The following TNFAIP8 variants were observed in gnomAD, a reference collection of about 807,000 sequenced individuals.
TNFAIP8 encodes the protein tumor necrosis factor alpha-induced protein 8.
Under a neutral mutation model 13.3 loss-of-function variants are expected in TNFAIP8, and 7 were observed. The observed-to-expected ratio is 0.52, with a 90% confidence interval of 0.30 to 0.99. TNFAIP8 has a LOEUF of 0.99. TNFAIP8 is among the 50% of genes least tolerant of loss of function. The pLI, the probability that TNFAIP8 is intolerant of heterozygous loss-of-function variation, is 0.07. For missense variants in TNFAIP8, 258 were observed against 236.9 expected, an observed-to-expected ratio of 1.09 and a Z score of -0.58; for synonymous variants, 94 against 87.6, an observed-to-expected ratio of 1.07 and a Z score of -0.41.
At chr5:119,362,338 A>C (rs549736566) in intron 1 of TNFAIP8, among the ~76,000 whole-genome samples, 15 of 152,318 alleles carry the variant, frequency 9.8e-5, no homozygotes, top group African/African-American at 2.6e-4. Flanking sequence ...GTAGTGGTAC[A>C]TGGGGCCAGT....
intron 1 of TNFAIP8, among the ~76,000 whole-genome samples, chr5:119,269,615 C>T (rs1259410738): frequency 6.6e-6 from 1 of 152,180 alleles, no homozygotes; most frequent in Non-Finnish European, 1.5e-5. Context: ...ATGTTTATTG[C>T]TTCAGTGACA....
intron 1 of TNFAIP8, among the ~76,000 whole-genome samples, chr5:119,293,062 T>G (rs1749048270): frequency 6.6e-6 from 1 of 152,130 alleles, no homozygotes; most frequent in African/African-American, 2.4e-5. Context: ...TAATTTTGTT[T>G]TTAAATTTTA....
chr5:119,304,419 CTG>C (rs1749490881), intron 1 of TNFAIP8, among the ~76,000 whole-genome samples: 1 of 152,242 alleles, frequency 6.6e-6, no homozygotes, highest in African/African-American at 2.4e-5. Context: ...GGCACTCACT[CTG>C]TGCTTTTGCC....
chr5:119,317,594 A>T (rs866372067), intron 1 of TNFAIP8, among the ~76,000 whole-genome samples: 11 of 148,578 alleles, frequency 7.4e-5, no homozygotes, highest in African/African-American at 2.5e-4. Context: ...TAATAATAAT[A>T]ATAATTATTA....
chr5:119,340,305 A>T (rs1362183172), intron 1 of TNFAIP8, among the ~76,000 whole-genome samples: 1 of 152,158 alleles, frequency 6.6e-6, no homozygotes, highest in African/African-American at 2.4e-5. Context: ...TTTCACCCAG[A>T]CCCTAACAAG....
chr5:119,295,343 C>T (rs1225966726), intron 1 of TNFAIP8, among the ~76,000 whole-genome samples: 1 of 151,752 alleles, frequency 6.6e-6, no homozygotes, highest in African/African-American at 2.4e-5. Context: ...CAGCTTTCTA[C>T]ATATGGCTAG....
intron 1 of TNFAIP8, among the ~76,000 whole-genome samples, chr5:119,299,823 T>C (rs1476127252): frequency 6.6e-6 from 1 of 152,108 alleles, no homozygotes; most frequent in African/African-American, 2.4e-5. Flanking sequence ...GCGGGCGCCC[T>C]TCCCCCAGCC....
chr5:119,346,152 G>T (rs570138037), intron 1 of TNFAIP8, among the ~76,000 whole-genome samples: 2 of 152,248 alleles, frequency 1.3e-5, no homozygotes, highest in African/African-American at 4.8e-5. Context: ...GAACTTGCTA[G>T]AAATCTACCC....
chr5:119,288,690 T>C (rs1290823562), intron 1 of TNFAIP8, among the ~76,000 whole-genome samples: 2 of 152,182 alleles, frequency 1.3e-5, no homozygotes, highest in Non-Finnish European at 2.9e-5. Flanking sequence ...ATGAAATAAT[T>C]TTACATAGAA....
chr5:119,338,531 C>T (rs1446085685), intron 1 of TNFAIP8, among the ~76,000 whole-genome samples: 2 of 152,238 alleles, frequency 1.3e-5, no homozygotes, highest in Non-Finnish European at 2.9e-5. Flanking sequence ...TTTCGGGCTA[C>T]CCTCTGGCCT....
At chr5:119,388,314 GT>G in intron 1 of TNFAIP8, among the ~76,000 whole-genome samples, 1 of 152,160 alleles carries the variant, frequency 6.6e-6, no homozygotes, top group Non-Finnish European at 1.5e-5. Flanking sequence ...ACAAATACCT[GT>G]TTTTCTACCT....
intron 1 of TNFAIP8, among the ~76,000 whole-genome samples, chr5:119,295,640 A>C (rs1032920938): frequency 6.6e-6 from 1 of 152,104 alleles, no homozygotes; most frequent in East Asian, 1.9e-4. Flanking sequence ...TATGAACTTT[A>C]AAGTAGTTTT....
At chr5:119,365,176 C>T (rs186405505) in intron 1 of TNFAIP8, among the ~76,000 whole-genome samples, 5 of 152,186 alleles carry the variant, frequency 3.3e-5, no homozygotes, top group Non-Finnish European at 7.4e-5. Flanking sequence ...TTTATTTGCT[C>T]CCTTTGGCCT....
chr5:119,272,205 C>A (rs1248850855), intron 1 of TNFAIP8, among the ~76,000 whole-genome samples: 1 of 152,180 alleles, frequency 6.6e-6, no homozygotes, highest in Non-Finnish European at 1.5e-5. Context: ...TGGTCTATGG[C>A]CTTACACCAT....
intron 1 of TNFAIP8, among the ~76,000 whole-genome samples, chr5:119,349,803 G>C (rs1409914879): frequency 6.6e-6 from 1 of 152,188 alleles, no homozygotes; most frequent in East Asian, 1.9e-4. Context: ...TTTGACGATG[G>C]TTCAATGCTA....
chr5:119,268,973 C>A, intron 1 of TNFAIP8: 1 of 652,324 alleles, frequency 1.5e-6, no homozygotes, highest in South Asian at 1.6e-5. Flanking sequence ...CGCTGGGCTG[C>A]GGGCTGCTCT....
At chr5:119,340,504 T>A (rs1459371778) in intron 1 of TNFAIP8, among the ~76,000 whole-genome samples, 1 of 152,222 alleles carries the variant, frequency 6.6e-6, no homozygotes, top group African/African-American at 2.4e-5. Flanking sequence ...ATAGTTCCTC[T>A]TAAGATACTC....
Position 119,397,674 on chromosome 5 carries a change from G to T in TNFAIP8, c.*4293G>T, listed in dbSNP as rs1366390300. On this transcript the variant is annotated 3_prime_UTR_variant, in exon 2 of 2. Coordinates refer to ENST00000504771, the MANE Select transcript of TNFAIP8 (RefSeq NM_014350.4). ...GAAACTCCCTAATGAAAATATTGAA[G>T]CATTAACCAGAAAATGAGTCAGCTT... 1 of 152,158 alleles carries T rather than the reference G, an allele frequency of 6.6e-6. No homozygotes were observed. The highest frequency in any genetic ancestry group is 1.9e-4 in the East Asian group (1 of 5,202). The allele number at this position is 152,158 out of a possible 1,614,324, so 9.4% of individuals were successfully genotyped here.
At chr5:119,361,233 G>GC (rs556848661) in intron 1 of TNFAIP8, among the ~76,000 whole-genome samples, 33,619 of 152,112 alleles carry the variant, frequency 0.22, 3,910 homozygotes, top group African/African-American at 0.24. Context: ...GCAGCGCACT[G>GC]CCCCCCCAGC....
Sources: gnomAD v4.1 joint callset for allele counts (sites outside exome capture counted in the v4.1 genomes callset) on GRCh38, gnomAD v4.1.1 for gene constraint, MANE v1.5 for transcripts, NCBI Gene and HGNC (gene_info 2026-07-23, HGNC 2026-07-21) for gene names.